The following KDM1A variants were observed in gnomAD, a reference collection of about 807,000 sequenced individuals.
KDM1A encodes lysine-specific histone demethylase 1A.
KDM1A carries 49 observed loss-of-function variants against 109.4 expected under a neutral mutation model. The observed-to-expected ratio is 0.45, with a 90% confidence interval of 0.36 to 0.57. KDM1A has a LOEUF of 0.57. Among genes scored for constraint, KDM1A ranks in the 20% least tolerant of loss-of-function variants. The pLI, the probability that KDM1A is intolerant of heterozygous loss-of-function variation, is 0.00. For missense variants in KDM1A, 668 were observed against 1,116.6 expected, an observed-to-expected ratio of 0.60 and a Z score of 5.73; for synonymous variants, 380 against 415.4, an observed-to-expected ratio of 0.91 and a Z score of 1.04.
At chr1:23,028,368 G>A (rs1368100333) in intron 1 of KDM1A, among the ~76,000 whole-genome samples, 1 of 152,166 alleles carries the variant, frequency 6.6e-6, no homozygotes, top group South Asian at 2.1e-4. Context: ...CTTTCCTAGA[G>A]GGGGCCTGTA....
intron 10 of KDM1A, among the ~76,000 whole-genome samples, chr1:23,067,432 G>C (rs1643190214): frequency 6.6e-6 from 1 of 152,174 alleles, no homozygotes; most frequent in East Asian, 1.9e-4. Flanking sequence ...CGTCTGTTGG[G>C]TTGGGAAGTG....
intron 10 of KDM1A, among the ~76,000 whole-genome samples, chr1:23,066,416 G>C (rs552072524): frequency 6.6e-6 from 1 of 152,138 alleles, no homozygotes; most frequent in Non-Finnish European, 1.5e-5. Context: ...ACACACCCTG[G>C]ACCCCAGTTA....
intron 16 of KDM1A, among the ~76,000 whole-genome samples, chr1:23,077,581 G>C (rs933268384): frequency 3.2e-4 from 49 of 152,196 alleles, no homozygotes; most frequent in African/African-American, 1.1e-3. Flanking sequence ...TTTCCAATTT[G>C]TGCATGAGCT....
In KDM1A at chr1:23,071,283, A is replaced by G. The variant is rs759910549; in HGVS notation, c.1472A>G (p.Glu491Gly). Reference sequence around the variant, plus strand: ...CATCAGCAATACAAAGAAGCATCTGAAGTAAAGCCACCCAGAGATATTACT... The same window carrying G: ...CATCAGCAATACAAAGAAGCATCTGGAGTAAAGCCACCCAGAGATATTACT... ...ELHQQYKEAS[E>G]VKPPRDITAE... Residue 491 changes from glutamate to glycine, a missense_variant, in exon 13 of 21, where the codon GAA becomes GGA. This residue lies in a region of KDM1A where 62 missense variants were observed against 82.8 expected (regional missense o/e 0.75). Transcript: ENST00000400181. 13 of 1,612,304 alleles carry G rather than the reference A, an allele frequency of 8.1e-6. 1 individual carries two copies. Among genetic ancestry groups the G allele is most frequent in the Non-Finnish European group, 4.2e-6 (5 of 1,179,266 alleles).
intron 13 of KDM1A, 144 bp from the exon 14 acceptor site, chr1:23,071,980 C>A: frequency 1.7e-6 from 1 of 594,692 alleles, no homozygotes; most frequent in Admixed American, 3.1e-5. Context: ...TCAGCTCTAT[C>A]TAACCCCAGC....
chr1:23,079,473 G>A lies in KDM1A; in HGVS notation c.2056-80G>A. On this transcript the variant is annotated intron_variant, in intron 17 of 20. Transcript: ENST00000400181. This position sits in a 1 kb window ranked among gnomAD's most constrained non-coding sequence, Gnocchi z 5.6. ...CTGGGCTTATTTTGAAAGCAGATTA[G>A]AAGAGACTTTAAGGAAGTCTGTTGA... The A allele has an allele frequency of 9.7e-7, 1 of 1,029,228 alleles. No individual in the cohort carries two copies. Among genetic ancestry groups the A allele is most frequent in the South Asian group, 1.5e-5 (1 of 68,118 alleles). The allele number at this position is 1,029,228 out of a possible 1,614,324, so 63.8% of individuals were successfully genotyped here. A position where few individuals can be genotyped will look rare whatever the true frequency, so the allele number is the denominator to read the frequency against.
chr1:23,074,907 A>G (rs757985581), intron 15 of KDM1A, among the ~76,000 whole-genome samples: 3 of 152,216 alleles, frequency 2.0e-5, no homozygotes, highest in Non-Finnish European at 4.4e-5. Flanking sequence ...ATATGCCACT[A>G]TCATACTGTC....
intron 8 of KDM1A, among the ~76,000 whole-genome samples, chr1:23,058,188 G>C (rs1356051206): frequency 1.3e-5 from 2 of 151,974 alleles, no homozygotes; most frequent in Non-Finnish European, 2.9e-5. Flanking sequence ...CACCATGCTT[G>C]GTTAATTTTT....
intron 7 of KDM1A, among the ~76,000 whole-genome samples, chr1:23,056,436 G>T (rs1642832794): frequency 6.6e-6 from 1 of 152,008 alleles, no homozygotes; most frequent in South Asian, 2.1e-4. Context: ...TAGAAGCCAA[G>T]ATACTGGTTT....
intron 14 of KDM1A, 79 bp downstream of exon 14, chr1:23,072,276 T>C: frequency 1.0e-6 from 1 of 998,068 alleles, no homozygotes; most frequent in Non-Finnish European, 1.6e-6. Flanking sequence ...AAATTCTAAA[T>C]CATAATGAGC....
chr1:23,046,399 T>G (rs1428993255), intron 3 of KDM1A, among the ~76,000 whole-genome samples: 3 of 152,186 alleles, frequency 2.0e-5, no homozygotes, highest in Non-Finnish European at 4.4e-5. Context: ...TTAAGTAAAG[T>G]CTTTAATATG....
chr1:23,075,924 G>A (rs1052041715), intron 15 of KDM1A, among the ~76,000 whole-genome samples: 1 of 152,080 alleles, frequency 6.6e-6, no homozygotes, highest in Non-Finnish European at 1.5e-5. Context: ...TGCAGCCTGG[G>A]CAACAAGAGC....
At chr1:23,049,134 CAG>C (rs1642586513) in intron 3 of KDM1A, among the ~76,000 whole-genome samples, 1 of 105,644 alleles carries the variant, frequency 9.5e-6, no homozygotes, top group South Asian at 3.0e-4. Flanking sequence ...GCCTGGGCGA[CAG>C]AGTGAGACTC....
chr1:23,070,839 A>G (rs868091826), intron 12 of KDM1A, among the ~76,000 whole-genome samples: 20 of 152,084 alleles, frequency 1.3e-4, no homozygotes, highest in Non-Finnish European at 1.0e-4. Flanking sequence ...ACATTATGAC[A>G]ATTTGTTTCC....
At position 23,071,880 on chromosome 1, in the gene KDM1A, T is replaced by C. The variant is rs377681391; in HGVS notation, c.1549-244T>C. 7.9e-5 allele frequency among the ~76,000 whole-genome samples: 12 copies of C among 152,266 alleles called. No homozygotes were observed. In the East Asian group the frequency reaches 2.3e-3, roughly 29 times the overall value. ...CCCCACTTTGCAGCACACTAGTATG[T>C]TTCTTCCATTATTTTCTCCTGTGTG... On this transcript the variant is annotated intron_variant, in intron 13 of 20. Transcript: ENST00000400181.
chr1:23,044,857 TA>T (rs756950920), intron 3 of KDM1A, among the ~76,000 whole-genome samples: 1 of 152,148 alleles, frequency 6.6e-6, no homozygotes, highest in Non-Finnish European at 1.5e-5. Context: ...CTCAAAAGTC[TA>T]AAAGCAAAAA....
intron 2 of KDM1A, among the ~76,000 whole-genome samples, chr1:23,041,850 AAAT>A (rs1375528566): frequency 6.6e-6 from 1 of 152,158 alleles, no homozygotes; most frequent in Non-Finnish European, 1.5e-5. Flanking sequence ...AAATTAAAAA[AAAT>A]CTTTTTAAGA....
intron 10 of KDM1A, among the ~76,000 whole-genome samples, 198 bp from the exon 11 acceptor site, chr1:23,068,341 G>A (rs1643212941): frequency 6.6e-6 from 1 of 152,166 alleles, no homozygotes; most frequent in East Asian, 1.9e-4. Context: ...AGAGGAAATT[G>A]TCAGGGCCCA....
intron 19 of KDM1A, 169 bp downstream of exon 19, chr1:23,081,742 A>AC: frequency 2.8e-6 from 2 of 723,638 alleles, no homozygotes; most frequent in Non-Finnish European, 2.1e-6. Context: ...GGTTCAGAAA[A>AC]CCCCCCAGGA....
Sources: allele counts gnomAD v4.1 joint callset (sites outside exome capture counted in the v4.1 genomes callset), GRCh38; gene constraint gnomAD v4.1.1; regional missense constraint gnomAD v4.1.1; non-coding constraint Gnocchi (gnomAD v3.1); transcripts MANE v1.5; gene names NCBI Gene and HGNC (gene_info 2026-07-23, HGNC 2026-07-21).